Variants in CDH12 observed in about 807,000 individuals in gnomAD.
CDH12 encodes the protein cadherin-12.
A neutral mutation model predicts 74.1 loss-of-function variants in CDH12; 41 were observed. The ratio of observed to expected loss-of-function variants is 0.55; its 90% CI spans 0.43 to 0.72. CDH12 has a LOEUF of 0.72. Among genes scored for constraint, CDH12 ranks in the 30% least tolerant of loss-of-function variants. The pLI is 0.00. For synonymous variants in CDH12, 399 were observed against 355.0 expected (o/e 1.12, Z -1.39); for missense variants, 945 against 977.2 (o/e 0.97, Z 0.44).
intron 6 of CDH12, among the ~76,000 whole-genome samples, chr5:21,962,394 T>C (rs1756397754): frequency 6.6e-6 from 1 of 152,212 alleles, no homozygotes; most frequent in African/African-American, 2.4e-5. Context: ...TTGTATATTT[T>C]GCACTTGTTA....
chr5:22,555,090 T>C (rs564291344), intron 1 of CDH12, among the ~76,000 whole-genome samples: 2 of 152,214 alleles, frequency 1.3e-5, no homozygotes, highest in South Asian at 2.1e-4. Flanking sequence ...ACTATAAATT[T>C]CCCTGTAACA....
chr5:22,658,573 A>G (rs1015090200), intron 1 of CDH12, among the ~76,000 whole-genome samples: 1 of 152,092 alleles, frequency 6.6e-6, no homozygotes, highest in Admixed American at 6.5e-5. Context: ...TTCCTCACCA[A>G]TCCTACATTT....
chr5:21,835,354 T>A (rs1449375631), intron 8 of CDH12, among the ~76,000 whole-genome samples: 2 of 150,928 alleles, frequency 1.3e-5, no homozygotes, highest in Non-Finnish European at 2.9e-5. Context: ...ATATATATGT[T>A]ACGTATGTGT....
At chr5:22,676,994 T>G (rs1379275706) in intron 1 of CDH12, among the ~76,000 whole-genome samples, 1 of 152,178 alleles carries the variant, frequency 6.6e-6, no homozygotes, top group Non-Finnish European at 1.5e-5. Context: ...ATATCTTAGT[T>G]TCTTCTACTT....
chr5:22,845,526 T>C lies in CDH12; in HGVS notation c.-523+7532A>G, dbSNP rs80259229. ...ATGTGCCCTCTATGTGCGACTATTA[T>C]AGGGCTTTCCTCATGGGGCTTGCAT... On this transcript the variant is annotated intron_variant, in intron 1 of 14. Coordinates refer to ENST00000382254, the MANE Select transcript of CDH12 (RefSeq NM_004061.5). Among the ~76,000 whole-genome samples the C allele has an allele frequency of 3.7e-3, 560 of 152,272 alleles. 2 individuals carry two copies. The highest frequency in any genetic ancestry group is 0.01 in the Middle Eastern group (3 of 294).
intron 1 of CDH12, among the ~76,000 whole-genome samples, chr5:22,819,659 A>C (rs1007723246): frequency 6.6e-6 from 1 of 151,876 alleles, no homozygotes; most frequent in Non-Finnish European, 1.5e-5. Flanking sequence ...ATAAATGACC[A>C]TAAGTGAGCT....
chr5:21,795,991 A>C (rs1019749364), intron 10 of CDH12, among the ~76,000 whole-genome samples: 1 of 152,040 alleles, frequency 6.6e-6, no homozygotes, highest in African/African-American at 2.4e-5. Context: ...TTTTATTTTA[A>C]CAACTAATTA....
chr5:22,647,744 G>T lies in CDH12; in HGVS notation c.-522-142380C>A, dbSNP rs1304357158. Among the ~76,000 whole-genome samples the T allele has an allele frequency of 2.0e-5, 3 of 151,916 alleles. No individual in the cohort carries two copies. In the East Asian group the frequency reaches 5.8e-4, roughly 29 times the overall value. ...TGAATTTTAGGGGACACAATAGCAA[G>T]TTCCTACTAATTTTTCTATTGCAGA... On this transcript the variant is annotated intron_variant, in intron 1 of 14. Coordinates refer to ENST00000382254, the MANE Select transcript of CDH12 (RefSeq NM_004061.5).
chr5:21,954,195 G>A (rs1288823563), intron 6 of CDH12, among the ~76,000 whole-genome samples: 1 of 150,836 alleles, frequency 6.6e-6, no homozygotes, highest in Non-Finnish European at 1.5e-5. Context: ...ATATTGATTA[G>A]CAATAAAATA....
chr5:22,493,248 G>A (rs1746962344), intron 2 of CDH12, among the ~76,000 whole-genome samples: 1 of 151,990 alleles, frequency 6.6e-6, no homozygotes, highest in African/African-American at 2.4e-5. Context: ...TCCTTGATTG[G>A]CTTTATTATG....
intron 2 of CDH12, among the ~76,000 whole-genome samples, chr5:22,426,067 G>T (rs1021332200): frequency 2.4e-4 from 36 of 151,808 alleles, no homozygotes; most frequent in African/African-American, 8.4e-4. Flanking sequence ...GGCGCCTGTA[G>T]TTCCAGCTAC....
Position 22,649,789 on chromosome 5 carries a change from A to G in CDH12, c.-522-144425T>C, listed in dbSNP as rs185500925. Reference sequence around the variant, plus strand: ...GAGCTAGTAAATCTAAAGGGGAATCATATGATAAAATCCAGATATCCATTA... The same window carrying G: ...GAGCTAGTAAATCTAAAGGGGAATCGTATGATAAAATCCAGATATCCATTA... On this transcript the variant is annotated intron_variant, in intron 1 of 14. Coordinates refer to ENST00000382254, the MANE Select transcript of CDH12 (RefSeq NM_004061.5). Among the ~76,000 whole-genome samples the G allele has an allele frequency of 5.7e-3, 865 of 152,074 alleles. 8 individuals carry two copies. The highest frequency in any genetic ancestry group is 0.02 in the African/African-American group (836 of 41,536).
At position 22,820,810 on chromosome 5, in the gene CDH12, G is replaced by C. The variant is rs540474297; in HGVS notation, c.-523+32248C>G. Among the ~76,000 whole-genome samples, 343 of 152,240 alleles carry C rather than the reference G, an allele frequency of 2.3e-3. 2 individuals carry two copies. Among genetic ancestry groups the C allele is most frequent in the African/African-American group, 7.9e-3 (327 of 41,548 alleles). On this transcript the variant is annotated intron_variant, in intron 1 of 14. Coordinates refer to ENST00000382254, the MANE Select transcript of CDH12 (RefSeq NM_004061.5). ...AGCCGAATTCTACCAGAGGTACAAG[G>C]AGGAACCGGTACCATTCCTTCTGAA...
intron 2 of CDH12, among the ~76,000 whole-genome samples, chr5:22,491,269 T>G (rs2126640537): frequency 6.6e-6 from 1 of 152,330 alleles, no homozygotes; most frequent in Admixed American, 6.5e-5. Flanking sequence ...GTTTCTGCAT[T>G]AACTCAATTA....
intron 1 of CDH12, among the ~76,000 whole-genome samples, chr5:22,684,247 T>G (rs1293253484): frequency 6.6e-6 from 1 of 152,212 alleles, no homozygotes; most frequent in Non-Finnish European, 1.5e-5. Flanking sequence ...CAATGCACAG[T>G]TATCACATCA....
At chr5:21,840,145 C>T (rs1169780540) in intron 8 of CDH12, among the ~76,000 whole-genome samples, 3 of 151,948 alleles carry the variant, frequency 2.0e-5, no homozygotes, top group African/African-American at 7.3e-5. Flanking sequence ...CATATAATCA[C>T]CAAAAAGAAG....
chr5:22,824,928 T>C (rs1459398763), intron 1 of CDH12, among the ~76,000 whole-genome samples: 1 of 151,738 alleles, frequency 6.6e-6, no homozygotes, highest in East Asian at 1.9e-4. Flanking sequence ...AGTTAAAGGA[T>C]ACATATATTT....
At chr5:22,422,270 C>T (rs2126498791) in intron 2 of CDH12, among the ~76,000 whole-genome samples, 1 of 152,084 alleles carries the variant, frequency 6.6e-6, no homozygotes, top group Non-Finnish European at 1.5e-5. Context: ...CCATTAATAC[C>T]TAGTTTAATG....
chr5:22,269,981 T>C (rs563087278), intron 3 of CDH12, among the ~76,000 whole-genome samples: 1 of 152,324 alleles, frequency 6.6e-6, no homozygotes, highest in South Asian at 2.1e-4. Flanking sequence ...TATTTTGATA[T>C]GGATAATTAC....
Sources: gnomAD v4.1 joint callset for allele counts (sites outside exome capture counted in the v4.1 genomes callset) on GRCh38, gnomAD v4.1.1 for gene constraint, MANE v1.5 for transcripts, NCBI Gene and HGNC (gene_info 2026-07-23, HGNC 2026-07-21) for gene names.